RSRC1: variants seen among roughly 807,000 people sequenced by gnomAD.
RSRC1 encodes serine/Arginine-related protein 53.
A neutral mutation model predicts 49.1 loss-of-function variants in RSRC1; 39 were observed. That is an observed-to-expected ratio of 0.79 (90% CI 0.61 to 1.04). RSRC1 has a LOEUF of 1.04. Ranked by LOEUF, RSRC1 falls within the 50% of genes least tolerant of loss-of-function variation. The pLI, the probability that RSRC1 is intolerant of heterozygous loss-of-function variation, is 0.00. For missense variants in RSRC1, 388 were observed against 402.4 expected (o/e 0.96, Z 0.31); for synonymous variants, 143 against 130.8 (o/e 1.09, Z -0.63).
At chr3:158,511,424 C>T (rs1467854669) in intron 7 of RSRC1, among the ~76,000 whole-genome samples, 1 of 152,160 alleles carries the variant, frequency 6.6e-6, no homozygotes, top group Non-Finnish European at 1.5e-5. Context: ...TTTCCAATTT[C>T]ATCCATGTCC....
At chr3:158,439,067 T>C (rs1274550729) in intron 6 of RSRC1, among the ~76,000 whole-genome samples, 2 of 148,788 alleles carry the variant, frequency 1.3e-5, no homozygotes, top group African/African-American at 4.9e-5. Flanking sequence ...GAAAAAATGC[T>C]CATCATCACT....
intron 6 of RSRC1, among the ~76,000 whole-genome samples, chr3:158,371,818 C>T (rs1193889074): frequency 3.3e-5 from 5 of 151,898 alleles, no homozygotes; most frequent in Admixed American, 3.3e-4. Flanking sequence ...TTGCTCCCAA[C>T]AGCAGTCTAT....
At chr3:158,315,344 GA>G (rs1728370799) in intron 5 of RSRC1, among the ~76,000 whole-genome samples, 1 of 152,068 alleles carries the variant, frequency 6.6e-6, no homozygotes, top group African/African-American at 2.4e-5. Flanking sequence ...AAAAATCCAA[GA>G]AGTATGGCTC....
intron 4 of RSRC1, among the ~76,000 whole-genome samples, chr3:158,203,749 GGGTATGT>G (rs1206209017): frequency 2.0e-5 from 3 of 152,118 alleles, no homozygotes; most frequent in Non-Finnish European, 4.4e-5. Flanking sequence ...GGCAATATTA[GGGTATGT>G]GTGTGTTTGT....
chr3:158,171,555 C>G (rs1718882883), intron 3 of RSRC1, among the ~76,000 whole-genome samples: 1 of 151,866 alleles, frequency 6.6e-6, no homozygotes, highest in South Asian at 2.1e-4. Context: ...AAAAAAGAAC[C>G]AAGTAGAAAT....
intron 6 of RSRC1, among the ~76,000 whole-genome samples, chr3:158,404,690 A>G (rs1392415845): frequency 6.6e-6 from 1 of 152,006 alleles, no homozygotes; most frequent in East Asian, 1.9e-4. Flanking sequence ...GTTCTACTTT[A>G]AATGTGATAA....
At chr3:158,164,252 A>G (rs891686928) in intron 3 of RSRC1, among the ~76,000 whole-genome samples, 2 of 152,170 alleles carry the variant, frequency 1.3e-5, no homozygotes, top group African/African-American at 4.8e-5. Flanking sequence ...ACAGAGAAGC[A>G]GGAGACATCT....
chr3:158,432,695 T>C (rs1162200721), intron 6 of RSRC1, among the ~76,000 whole-genome samples: 1 of 152,108 alleles, frequency 6.6e-6, no homozygotes, highest in East Asian at 1.9e-4. Context: ...ATACTGTTTC[T>C]AAATTTAGTA....
At chr3:158,418,458 A>G (rs1734865978) in intron 6 of RSRC1, among the ~76,000 whole-genome samples, 1 of 151,940 alleles carries the variant, frequency 6.6e-6, no homozygotes, top group Admixed American at 6.6e-5. Flanking sequence ...TCAGTCTTAT[A>G]TACTCTTAGA....
chr3:158,347,943 A>G (rs1011835491), intron 5 of RSRC1, among the ~76,000 whole-genome samples: 7 of 152,208 alleles, frequency 4.6e-5, no homozygotes, highest in Non-Finnish European at 1.5e-5. Context: ...TACATGAAAT[A>G]TTTTAATATA....
chr3:158,163,759 A>ATG (rs5853816), intron 3 of RSRC1, among the ~76,000 whole-genome samples: 80,878 of 149,334 alleles, frequency 0.54, 22,637 homozygotes, highest in East Asian at 0.72. Context: ...CTTTATAGCA[A>ATG]TTTTTTTTTT....
At chr3:158,452,419 A>G in intron 6 of RSRC1, among the ~76,000 whole-genome samples, 1 of 152,214 alleles carries the variant, frequency 6.6e-6, no homozygotes, top group East Asian at 1.9e-4. Flanking sequence ...CATGAGAAAG[A>G]ATAAGATGTC....
intron 7 of RSRC1, among the ~76,000 whole-genome samples, chr3:158,471,311 A>C (rs1738125616): frequency 6.6e-6 from 1 of 152,190 alleles, no homozygotes; most frequent in Admixed American, 6.6e-5. Flanking sequence ...ACTTTGGGTG[A>C]ATCATTCAAC....
chr3:158,164,750 G>A (rs1718438559), intron 3 of RSRC1, among the ~76,000 whole-genome samples: 1 of 152,068 alleles, frequency 6.6e-6, no homozygotes, highest in African/African-American at 2.4e-5. Flanking sequence ...AAATTTAAAT[G>A]CATTTGTTTT....
chr3:158,194,545 G>A (rs1299036940), intron 3 of RSRC1, among the ~76,000 whole-genome samples: 6 of 143,714 alleles, frequency 4.2e-5, no homozygotes, highest in African/African-American at 1.6e-4. Flanking sequence ...TGTGCACAAC[G>A]TGCAGGTTTG....
intron 4 of RSRC1, among the ~76,000 whole-genome samples, chr3:158,206,948 G>A (rs1450269700): frequency 6.6e-6 from 1 of 152,018 alleles, no homozygotes; most frequent in African/African-American, 2.4e-5. Context: ...CATTTTAAAT[G>A]TATTTTTTCA....
chr3:158,199,012 C>T lies in RSRC1; in HGVS notation c.321-4060C>T, dbSNP rs572688410. The stretch of plus-strand genomic sequence containing the variant: ...CACCCAAATCTCATCTTGTAGCTCC[C>T]ATAATTTCCACGTGTGGTGGGAGGG... On this transcript the variant is annotated intron_variant, in intron 3 of 9. Coordinates refer to ENST00000611884, the MANE Select transcript of RSRC1 (RefSeq NM_001271838.2). Among the ~76,000 whole-genome samples the T allele has an allele frequency of 1.2e-4, 18 of 152,272 alleles. 3 individuals are homozygous for T. The South Asian group carries it at 3.5e-3, about 30-fold the overall frequency.
At chr3:158,141,992 GGAGGCT>G (rs1290824311) in intron 3 of RSRC1, among the ~76,000 whole-genome samples, 1 of 152,176 alleles carries the variant, frequency 6.6e-6, no homozygotes, top group Non-Finnish European at 1.5e-5. Context: ...CAGCTACTCT[GGAGGCT>G]GAGGCAGGAG....
chr3:158,265,711 G>A (rs776749802), intron 4 of RSRC1, among the ~76,000 whole-genome samples: 5 of 151,892 alleles, frequency 3.3e-5, no homozygotes, highest in Non-Finnish European at 7.4e-5. Flanking sequence ...CCACTTGTAA[G>A]CTAACAATTT....
Sources: allele counts gnomAD v4.1 joint callset (sites outside exome capture counted in the v4.1 genomes callset), GRCh38; gene constraint gnomAD v4.1.1; transcripts MANE v1.5; gene names NCBI Gene and HGNC (gene_info 2026-07-23, HGNC 2026-07-21).